The following OPRD1 variants were observed in gnomAD, a reference collection of about 807,000 sequenced individuals.
OPRD1 encodes the protein opioid receptor delta 1.
OPRD1 carries 19 observed loss-of-function variants against 17.5 expected under a neutral mutation model. That is an observed-to-expected ratio of 1.09 (90% confidence interval 0.76 to 1.60). The LOEUF (loss-of-function observed/expected upper bound fraction) is 1.60, where lower values mean the gene tolerates loss of function less well. Among genes scored for constraint, OPRD1 ranks in the 40% most tolerant of loss-of-function variants. The pLI is 0.00. For missense variants in OPRD1, 483 were observed against 547.2 expected, an observed-to-expected ratio of 0.88 and a Z score of 1.17; for synonymous variants, 256 against 240.9, an observed-to-expected ratio of 1.06 and a Z score of -0.58.
At chr1:28,845,850 T>G (rs1259274405) in intron 1 of OPRD1, among the ~76,000 whole-genome samples, 1 of 152,206 alleles carries the variant, frequency 6.6e-6, no homozygotes, top group Non-Finnish European at 1.5e-5. Context: ...CATAAACAAT[T>G]TCTCTTTCTA....
At chr1:28,852,164 T>TAAAAAAAAAAAAAAAAAAAAA (rs71030305) in intron 1 of OPRD1, among the ~76,000 whole-genome samples, 5 of 86,746 alleles carry the variant, frequency 5.8e-5, no homozygotes, top group East Asian at 3.5e-4. Context: ...AAACTCCATG[T>TAAAAAAAAAAAAAAAAAAAAA]AAAAAAAAAA....
At position 28,812,564 on chromosome 1, in the gene OPRD1, G is replaced by A; in HGVS notation, c.181G>A (p.Ala61Thr). Reference sequence around the variant, plus strand: ...CACCGCGCTCTACTCGGCCGTGTGCGCCGTGGGGCTGCTGGGCAACGTGCT... The same window carrying A: ...CACCGCGCTCTACTCGGCCGTGTGCACCGTGGGGCTGCTGGGCAACGTGCT... The part of the protein sequence containing the change: ...AITALYSAVC[A>T]VGLLGNVLVM... Residue 61 changes from alanine (A) to threonine (T), a missense_variant, in exon 1 of 3, where the codon GCC becomes ACC. Physicochemically the swap from Ala to Thr is moderately conservative, Grantham distance 58. Transcript: ENST00000234961. The A allele has an allele frequency of 6.3e-7, 1 of 1,576,950 alleles. No homozygotes were observed. Among genetic ancestry groups the A allele is most frequent in the Admixed American group, 1.7e-5 (1 of 57,462 alleles).
chr1:28,827,261 A>C (rs1044772966), intron 1 of OPRD1, among the ~76,000 whole-genome samples: 3 of 152,170 alleles, frequency 2.0e-5, no homozygotes, highest in Non-Finnish European at 2.9e-5. Context: ...GCACCACTGC[A>C]CTCCAGCCTG....
intron 1 of OPRD1, among the ~76,000 whole-genome samples, chr1:28,856,184 G>A (rs367818369): frequency 1.6e-4 from 25 of 152,200 alleles, no homozygotes; most frequent in Non-Finnish European, 3.2e-4. Flanking sequence ...CCTTGGCTCC[G>A]CCACTGTTGC....
chr1:28,823,387 GTTTA>G (rs3079037), intron 1 of OPRD1, among the ~76,000 whole-genome samples: 5 of 140,904 alleles, frequency 3.5e-5, no homozygotes, highest in African/African-American at 8.4e-5. Flanking sequence ...TTATTTGTTT[GTTTA>G]TTTATTTATT....
chr1:28,825,128 C>G (rs2088753430), intron 1 of OPRD1, among the ~76,000 whole-genome samples: 1 of 150,646 alleles, frequency 6.6e-6, no homozygotes, highest in Admixed American at 6.6e-5. Context: ...ACCACTGCAC[C>G]TGGCCAGAGC....
chr1:28,815,400 C>G (rs1392538856), intron 1 of OPRD1, among the ~76,000 whole-genome samples: 1 of 152,186 alleles, frequency 6.6e-6, no homozygotes, highest in African/African-American at 2.4e-5. Flanking sequence ...CCATGGTGCC[C>G]GGCTGTGTCC....
chr1:28,856,377 C>G (rs1569650627), intron 1 of OPRD1, among the ~76,000 whole-genome samples: 2 of 152,200 alleles, frequency 1.3e-5, no homozygotes, highest in Non-Finnish European at 2.9e-5. Context: ...AAAGATCGCT[C>G]AGATCTGAGG....
chr1:28,821,777 C>T (rs2088713629), intron 1 of OPRD1, among the ~76,000 whole-genome samples: 1 of 152,000 alleles, frequency 6.6e-6, no homozygotes, highest in Non-Finnish European at 1.5e-5. Context: ...TGGTGGCTCA[C>T]CCCCATAATT....
intron 1 of OPRD1, among the ~76,000 whole-genome samples, chr1:28,813,874 C>T (rs775388395): frequency 1.9e-4 from 29 of 152,264 alleles, no homozygotes; most frequent in Non-Finnish European, 3.2e-4. Context: ...GCCTCCCATC[C>T]GCCTCAGTTT....
At position 28,825,800 on chromosome 1, in the gene OPRD1, C is replaced by G. The variant is rs1221192448; in HGVS notation, c.227+13190C>G. Among the ~76,000 whole-genome samples, 4 of 152,258 alleles carry G rather than the reference C, an allele frequency of 2.6e-5. No homozygotes were observed. The East Asian group carries it at 7.7e-4, about 29-fold the overall frequency. On this transcript the variant is annotated intron_variant, in intron 1 of 2. Coordinates refer to ENST00000234961, the MANE Select transcript of OPRD1 (RefSeq NM_000911.4). The stretch of plus-strand genomic sequence containing the variant: ...GCCAACAGCAGGGAGGCAGCCCTGT[C>G]CTTCATCAGCAGGTGGACTAGGGTT...
intron 2 of OPRD1, 102 bp downstream of exon 2, chr1:28,859,405 C>A: frequency 1.0e-6 from 1 of 977,148 alleles, no homozygotes; most frequent in Non-Finnish European, 1.5e-6. Context: ...GTGTAGGTGG[C>A]TCATCAGCAG....
At chr1:28,821,956 C>CTT (rs56145206) in intron 1 of OPRD1, among the ~76,000 whole-genome samples, 181 of 146,474 alleles carry the variant, frequency 1.2e-3, no homozygotes, top group African/African-American at 3.9e-3. Context: ...TTATTTCTTT[C>CTT]TTTTTTTTTT....
intron 1 of OPRD1, among the ~76,000 whole-genome samples, chr1:28,855,560 AG>A (rs1400491975): frequency 6.7e-6 from 1 of 149,476 alleles, no homozygotes; most frequent in East Asian, 2.0e-4. Flanking sequence ...GAGGGGAGAG[AG>A]GGGGGCCGTG....
intron 1 of OPRD1, among the ~76,000 whole-genome samples, chr1:28,824,553 T>C (rs1378667979): frequency 2.0e-5 from 3 of 151,596 alleles, no homozygotes; most frequent in Admixed American, 1.3e-4. Flanking sequence ...CTCCTGACCT[T>C]GTGATCCGCC....
chr1:28,822,385 C>T lies in OPRD1; in HGVS notation c.227+9775C>T, dbSNP rs72663882. Among the ~76,000 whole-genome samples, 1,014 of 152,144 alleles carry T rather than the reference C, an allele frequency of 6.7e-3. 6 individuals carry two copies. The highest frequency in any genetic ancestry group is 0.012 in the Non-Finnish European group (819 of 68,010). On this transcript the variant is annotated intron_variant, in intron 1 of 2. Transcript: ENST00000234961. ...GGAAACCACTGGGTGGAGGTTTGGC[C>T]CTGGAGATTCGGGTGGAGAAAAGAC... is the stretch of plus-strand genomic sequence containing the variant.
At chr1:28,840,700 T>A (rs1466328320) in intron 1 of OPRD1, among the ~76,000 whole-genome samples, 3 of 152,136 alleles carry the variant, frequency 2.0e-5, no homozygotes, top group Non-Finnish European at 2.9e-5. Flanking sequence ...AGTGGGTGGA[T>A]CACTTGAGGT....
intron 1 of OPRD1, among the ~76,000 whole-genome samples, chr1:28,827,049 C>T (rs2088773959): frequency 6.6e-6 from 1 of 152,222 alleles, no homozygotes; most frequent in Non-Finnish European, 1.5e-5. Flanking sequence ...AATTCCAGCA[C>T]TTTGGGAGGC....
intron 1 of OPRD1, among the ~76,000 whole-genome samples, chr1:28,821,842 T>A (rs1015242019): frequency 4.6e-5 from 7 of 151,882 alleles, no homozygotes; most frequent in Non-Finnish European, 8.8e-5. Flanking sequence ...GAATTCAAGA[T>A]CAGCACAGGC....
Sources: allele counts gnomAD v4.1 joint callset (sites outside exome capture counted in the v4.1 genomes callset), GRCh38; gene constraint gnomAD v4.1.1; transcripts MANE v1.5; gene names NCBI Gene and HGNC (gene_info 2026-07-23, HGNC 2026-07-21).